The following CDC5L variants were observed in gnomAD, a reference collection of about 807,000 sequenced individuals.
CDC5L encodes the protein cell division cycle 5-like protein.
In CDC5L, 18 loss-of-function variants were observed where a neutral mutation model predicts 104.1. The observed-to-expected ratio is 0.17, with a 90% CI of 0.12 to 0.26. The LOEUF (loss-of-function observed/expected upper bound fraction) is 0.26, where lower values mean the gene tolerates loss of function less well. Ranked by LOEUF, CDC5L falls within the 10% of genes least tolerant of loss-of-function variation. CDC5L has a pLI of 1.00. For missense variants in CDC5L, 673 were observed against 956.9 expected (o/e 0.70, Z 3.91); for synonymous variants, 331 against 322.7 (o/e 1.03, Z -0.28).
Position 44,448,103 on chromosome 6 carries a change from T to G in CDC5L, c.*1392T>G, listed in dbSNP as rs1311563568. On this transcript the variant is annotated 3_prime_UTR_variant, in exon 16 of 16. Transcript: ENST00000371477. ...CGGCCAAAGAGACCTCTTAAAGAAG[T>G]AACATTTAAGATAACATGTGATTGA... is the stretch of plus-strand genomic sequence containing the variant. 1.3e-5 allele frequency: 2 copies of G among 150,296 alleles called. No homozygotes were observed. The highest frequency in any genetic ancestry group is 2.5e-5 in the African/African-American group (1 of 40,590). The allele number at this position is 150,296 out of a possible 1,614,324, so 9.3% of individuals were successfully genotyped here.
intron 14 of CDC5L, among the ~76,000 whole-genome samples, chr6:44,434,978 C>T (rs1005945054): frequency 1.3e-5 from 2 of 151,990 alleles, no homozygotes; most frequent in Non-Finnish European, 2.9e-5. Flanking sequence ...ATAAATAATA[C>T]CTGTGCTTTG....
At chr6:44,429,957 A>G (rs371312700) in intron 14 of CDC5L, 47 bp downstream of exon 14, 22 of 1,445,792 alleles carry the variant, frequency 1.5e-5, no homozygotes, top group Non-Finnish European at 1.9e-5. Context: ...TTTGATTGAG[A>G]TAATGAACTA....
At chr6:44,429,938 T>C in intron 14 of CDC5L, 28 bp downstream of exon 14, 2 of 1,556,040 alleles carry the variant, frequency 1.3e-6, no homozygotes, top group Non-Finnish European at 1.8e-6. Context: ...ATTTTAATTT[T>C]AAATGTACTT....
chr6:44,443,820 T>C (rs977965422), intron 14 of CDC5L, among the ~76,000 whole-genome samples: 4 of 151,976 alleles, frequency 2.6e-5, no homozygotes, highest in Non-Finnish European at 5.9e-5. Flanking sequence ...TCCAGTTCAC[T>C]TGAGTTGGTT....
chr6:44,387,891 C>T (rs1422250717), intron 1 of CDC5L, 23 bp downstream of exon 1: 1 of 1,550,182 alleles, frequency 6.5e-7, no homozygotes, highest in African/African-American at 1.4e-5. Flanking sequence ...TTCCCGCCGT[C>T]CGCTGCCCGC....
intron 8 of CDC5L, among the ~76,000 whole-genome samples, chr6:44,411,637 A>AGAGAGAGAGTGTGTGTGTGTGTGTGT: frequency 5.7e-5 from 7 of 123,746 alleles, no homozygotes; most frequent in African/African-American, 2.1e-4. Context: ...AGAGAGAGAG[A>AGAGAGAGAGTGTGTGTGTGTGTGTGT]GTGTGTGTGT....
chr6:44,396,967 C>T (rs779944126), intron 5 of CDC5L, among the ~76,000 whole-genome samples: 10 of 152,216 alleles, frequency 6.6e-5, no homozygotes, highest in South Asian at 4.1e-4. Context: ...TTCACCTTTT[C>T]GGAAGCCCCC....
intron 1 of CDC5L, among the ~76,000 whole-genome samples, chr6:44,389,601 G>A (rs1790502022): frequency 6.6e-6 from 1 of 152,140 alleles, no homozygotes; most frequent in Non-Finnish European, 1.5e-5. Context: ...GGGGGAAATT[G>A]GAAGGAGAGC....
At chr6:44,388,141 CCCA>C (rs1790423677) in intron 1 of CDC5L, among the ~76,000 whole-genome samples, 1 of 17,810 alleles carries the variant, frequency 5.6e-5, no homozygotes, top group Non-Finnish European at 1.8e-4. Context: ...TACGCCCCCT[CCCA>C]CCCCGCCCCC....
intron 6 of CDC5L, among the ~76,000 whole-genome samples, 190 bp from the exon 7 acceptor site, chr6:44,406,133 C>T (rs1383229690): frequency 2.6e-5 from 4 of 152,138 alleles, no homozygotes; most frequent in Non-Finnish European, 5.9e-5. Context: ...AACTCCTGAC[C>T]TCAGGTAATC....
chr6:44,445,622 T>C (rs759075749), intron 14 of CDC5L, 33 bp from the exon 15 acceptor site: 1 of 1,504,104 alleles, frequency 6.6e-7, no homozygotes, highest in Admixed American at 1.8e-5. Flanking sequence ...GCTTTTCTCA[T>C]GTATGCTGAT....
Position 44,393,473 on chromosome 6 carries a change from A to G in CDC5L, c.339A>G (p.Glu113=). 6.2e-7 allele frequency: 1 copy of G among 1,613,980 alleles called. No individual in the cohort carries two copies. Among genetic ancestry groups the G allele is most frequent in the Non-Finnish European group, 8.5e-7 (1 of 1,179,904 alleles). Residue 113 remains glutamate, a synonymous_variant, in exon 4 of 16, where the codon GAA becomes GAG. Transcript: ENST00000371477. ...ATAAAGCTGCCCAAAGAGACAATGA[A>G]GAGGAAACAACAGATGATCCACGAA... The part of the protein sequence containing the change: ...LLDKAAQRDN[E]EETTDDPRKL...
chr6:44,400,020 T>C (rs532738291), intron 5 of CDC5L, among the ~76,000 whole-genome samples: 30 of 152,308 alleles, frequency 2.0e-4, no homozygotes, highest in Middle Eastern at 3.4e-3. Context: ...CTAAGTTAGC[T>C]GATAAGCTTT....
Position 44,408,594 on chromosome 6 carries a change from A to C in CDC5L, c.1054A>C (p.Thr352Pro). The C allele has an allele frequency of 6.2e-7, 1 of 1,609,422 alleles. No homozygotes were observed. Among genetic ancestry groups the C allele is most frequent in the South Asian group, 1.1e-5 (1 of 90,772 alleles). Residue 352 changes from threonine (T) to proline (P), a missense_variant, in exon 8 of 16, where the codon ACA becomes CCA. Physicochemically the swap from Thr to Pro is conservative, Grantham distance 38. Coordinates refer to ENST00000371477, the MANE Select transcript of CDC5L (RefSeq NM_001253.4). The stretch of plus-strand genomic sequence containing the variant: ...CACCAACAACAGCGTTGCTCTTAGA[A>C]CACCACGAACACCAGCTTCCCAGGA... ...NVTNNSVALR[T>P]PRTPASQDRI...
chr6:44,392,642 A>G, intron 2 of CDC5L, 25 bp from the exon 3 acceptor site: 1 of 1,601,568 alleles, frequency 6.2e-7, no homozygotes, highest in Non-Finnish European at 8.5e-7. Flanking sequence ...ACTGATTAAT[A>G]TATAAAATGA....
chr6:44,445,668 A>G lies in CDC5L; in HGVS notation c.2105A>G (p.His702Arg). 1 of 1,613,714 alleles carries G rather than the reference A, an allele frequency of 6.2e-7. No individual in the cohort carries two copies. The highest frequency in any genetic ancestry group is 8.5e-7 in the Non-Finnish European group (1 of 1,179,746). The stretch of plus-strand genomic sequence containing the variant: ...CCTGCTCTCCAGATAAACAGGGGTC[A>G]CATGACGACAGAAGCCAAGAGGGCT... ...LEKRLEINRG[H>R]MTTEAKRAAK... The change falls in exon 15 of 16, where the codon CAC (histidine) becomes CGC (arginine). Residue 702 changes from histidine (H) to arginine (R), a missense_variant. His to Arg is a conservative substitution (Grantham distance 29). Transcript: ENST00000371477.
rs534115239 is a variant in CDC5L, at chr6:44,428,329, TATCA to T, written c.1894-1379_1894-1376del. Among the ~76,000 whole-genome samples the T allele has an allele frequency of 6.2e-4, 95 of 152,354 alleles. 1 individual carries two copies. In the South Asian group the frequency reaches 0.018, roughly 30 times the overall value. On this transcript the variant is annotated intron_variant, in intron 13 of 15. Transcript: ENST00000371477. ...GTTTCTTTTGTTAAAATTTTTTGTTTATCAATCATTTCTCTTGATTTTGTAGATT... is the reference window on the plus strand; with the variant it reads ...GTTTCTTTTGTTAAAATTTTTTGTTTATCATTTCTCTTGATTTTGTAGATT...
intron 13 of CDC5L, among the ~76,000 whole-genome samples, chr6:44,428,885 C>T (rs1792544734): frequency 6.6e-6 from 1 of 152,174 alleles, no homozygotes; most frequent in South Asian, 2.1e-4. Flanking sequence ...ACGTGAGGTC[C>T]TGCACACATG....
Position 44,387,741 on chromosome 6 carries a change from G to C in CDC5L, c.-83G>C, listed in dbSNP as rs1395278760. ...GAAGGTCGCGCTTGGAGGAAGTGGCGGCTTTGAGTCCGGTGGCCCAATCGC... is the reference window on the plus strand; with the variant it reads ...GAAGGTCGCGCTTGGAGGAAGTGGCCGCTTTGAGTCCGGTGGCCCAATCGC... On this transcript the variant is annotated 5_prime_UTR_variant, in exon 1 of 16. Coordinates refer to ENST00000371477, the MANE Select transcript of CDC5L (RefSeq NM_001253.4). The C allele has an allele frequency of 3.2e-6, 4 of 1,252,608 alleles. No homozygotes were observed. The African/African-American group carries it at 4.5e-5, about 14-fold the overall frequency. 77.6% of individuals were successfully genotyped at this position (1,252,608 alleles called of 1,614,324 possible).
Sources: gnomAD v4.1 joint callset for allele counts (sites outside exome capture counted in the v4.1 genomes callset) on GRCh38, gnomAD v4.1.1 for gene constraint, MANE v1.5 for transcripts, NCBI Gene and HGNC (gene_info 2026-07-23, HGNC 2026-07-21) for gene names.